PCDH15: variants seen among roughly 807,000 people sequenced by gnomAD.
PCDH15 encodes the protein protocadherin related 15, also known as protocadherin-15.
A neutral mutation model predicts 178.5 loss-of-function variants in PCDH15; 129 were observed. The ratio of observed to expected loss-of-function variants is 0.72; its 90% confidence interval spans 0.63 to 0.84. PCDH15 has a LOEUF of 0.84. Ranked by LOEUF, PCDH15 falls within the 40% of genes least tolerant of loss-of-function variation. The pLI is 0.00. For synonymous variants in PCDH15, 800 were observed against 732.0 expected, an observed-to-expected ratio of 1.09 and a Z score of -1.50; for missense variants, 2,230 against 2,099.9, an observed-to-expected ratio of 1.06 and a Z score of -1.21.
chr10:55,385,202 C>A (rs1837622919), intron 2 of PCDH15, among the ~76,000 whole-genome samples: 1 of 152,048 alleles, frequency 6.6e-6, no homozygotes, highest in African/African-American at 2.4e-5. Flanking sequence ...TAAAACAAGG[C>A]AGCTTTCCGG....
In PCDH15 at chr10:54,512,950, A is replaced by G. The variant is rs759874486; in HGVS notation, c.157+14862T>C. The stretch of plus-strand genomic sequence containing the variant: ...TTTCCAAGAATTAGACAGTATTTTT[A>G]CACAGCCATTAAATCATACCACATG... On this transcript the variant is annotated intron_variant, in intron 3 of 37. Coordinates refer to ENST00000644397, the MANE Select transcript of PCDH15 (RefSeq NM_001384140.1). Among the ~76,000 whole-genome samples the G allele has an allele frequency of 1.1e-4, 16 of 152,224 alleles. No homozygotes were observed. The South Asian group carries it at 2.9e-3, about 28-fold the overall frequency.
chr10:55,547,946 A>AGAGAGAGAGAGG (rs1362080657), intron 2 of PCDH15, among the ~76,000 whole-genome samples: 1 of 150,236 alleles, frequency 6.7e-6, no homozygotes, highest in Admixed American at 6.7e-5. Context: ...AGAGAGAGAG[A>AGAGAGAGAGAGG]GAGAGACAGG....
At chr10:55,009,194 T>C (rs1297449875) in intron 2 of PCDH15, among the ~76,000 whole-genome samples, 1 of 152,022 alleles carries the variant, frequency 6.6e-6, no homozygotes, top group East Asian at 1.9e-4. Flanking sequence ...AAAAACAGTC[T>C]TGTGTTGTGA....
At chr10:55,273,852 A>G (rs1289671698) in intron 1 of PCDH15, among the ~76,000 whole-genome samples, 1 of 152,138 alleles carries the variant, frequency 6.6e-6, no homozygotes, top group Non-Finnish European at 1.5e-5. Context: ...TTCACAAACA[A>G]TTTGAAACAA....
chr10:54,818,663 G>T (rs749023966), intron 3 of PCDH15, among the ~76,000 whole-genome samples: 1 of 151,972 alleles, frequency 6.6e-6, no homozygotes, highest in African/African-American at 2.4e-5. Flanking sequence ...ATTACATGAA[G>T]ACAATGATAT....
At chr10:53,976,144 G>A (rs2090163825) in intron 21 of PCDH15, among the ~76,000 whole-genome samples, 1 of 152,094 alleles carries the variant, frequency 6.6e-6, no homozygotes, top group South Asian at 2.1e-4. Flanking sequence ...TTTTGTACCA[G>A]TACCGTGTTG....
chr10:55,547,811 T>C (rs985895431), intron 2 of PCDH15, among the ~76,000 whole-genome samples: 1 of 151,434 alleles, frequency 6.6e-6, no homozygotes, highest in South Asian at 2.1e-4. Flanking sequence ...GCCAGTCACC[T>C]TGTGTGTAGG....
chr10:55,260,496 C>T (rs1299402406), intron 1 of PCDH15, among the ~76,000 whole-genome samples: 1 of 143,070 alleles, frequency 7.0e-6, no homozygotes, highest in African/African-American at 2.8e-5. Flanking sequence ...CTTTCAAATA[C>T]TAATAAATTA....
At chr10:55,409,487 C>A (rs34830009) in intron 2 of PCDH15, among the ~76,000 whole-genome samples, 16,544 of 151,990 alleles carry the variant, frequency 0.11, 954 homozygotes, top group East Asian at 0.23. Context: ...ACTTGAAATA[C>A]TTCAGTGGGC....
intron 1 of PCDH15, among the ~76,000 whole-genome samples, chr10:55,252,945 A>C (rs1026454384): frequency 3.9e-5 from 6 of 152,176 alleles, no homozygotes; most frequent in African/African-American, 1.4e-4. Context: ...AAGGAGAAAA[A>C]AATTTTCTAA....
chr10:54,402,539 A>G (rs1463621168), intron 3 of PCDH15, among the ~76,000 whole-genome samples: 1 of 151,960 alleles, frequency 6.6e-6, no homozygotes, highest in Non-Finnish European at 1.5e-5. Context: ...GATTTGTGGC[A>G]GTCCTTCAAA....
chr10:55,342,926 G>A (rs1257144289), intron 2 of PCDH15, among the ~76,000 whole-genome samples: 1 of 152,124 alleles, frequency 6.6e-6, no homozygotes. Context: ...TAGGAAGCCT[G>A]AGTCCTTGCA....
At chr10:54,328,012 C>T (rs857388) in intron 7 of PCDH15, among the ~76,000 whole-genome samples, 7,815 of 152,038 alleles carry the variant, frequency 0.051, 609 homozygotes, top group African/African-American at 0.17. Flanking sequence ...CATTAAAGAT[C>T]ACCGTTGGTG....
intron 27 of PCDH15, among the ~76,000 whole-genome samples, chr10:53,866,090 A>G (rs2079430853): frequency 6.6e-6 from 1 of 152,158 alleles, no homozygotes; most frequent in Non-Finnish European, 1.5e-5. Flanking sequence ...ATTATTGACT[A>G]TAGCCAAATA....
chr10:55,141,733 A>G (rs1225714812), intron 2 of PCDH15, among the ~76,000 whole-genome samples: 1 of 152,152 alleles, frequency 6.6e-6, no homozygotes, highest in African/African-American at 2.4e-5. Flanking sequence ...GCTGTTCAAC[A>G]TTAAAGGAAA....
intron 3 of PCDH15, among the ~76,000 whole-genome samples, chr10:54,823,401 C>T (rs922343083): frequency 2.0e-5 from 3 of 152,128 alleles, no homozygotes; most frequent in African/African-American, 7.2e-5. Context: ...GCAAGAAAGA[C>T]TTACAGTTGT....
At chr10:55,252,462 C>T (rs1451500484) in intron 1 of PCDH15, among the ~76,000 whole-genome samples, 1 of 152,016 alleles carries the variant, frequency 6.6e-6, no homozygotes, top group Admixed American at 6.6e-5. Context: ...ATGTTAATTT[C>T]CCAAATTATA....
At chr10:54,192,357 A>C (rs2049122107) in intron 11 of PCDH15, among the ~76,000 whole-genome samples, 1 of 152,102 alleles carries the variant, frequency 6.6e-6, no homozygotes, top group South Asian at 2.1e-4. Flanking sequence ...GAACATCAGG[A>C]AGTAATTCTA....
At chr10:54,434,395 G>GT (rs1271871265) in intron 3 of PCDH15, among the ~76,000 whole-genome samples, 1 of 152,122 alleles carries the variant, frequency 6.6e-6, no homozygotes, top group African/African-American at 2.4e-5. Flanking sequence ...TCCATTAATT[G>GT]TAAGTGCCTT....
Sources: allele counts gnomAD v4.1 joint callset (sites outside exome capture counted in the v4.1 genomes callset), GRCh38; gene constraint gnomAD v4.1.1; transcripts MANE v1.5; gene names NCBI Gene and HGNC (gene_info 2026-07-23, HGNC 2026-07-21).